Variants in ZNF625 observed in about 807,000 individuals in gnomAD.
ZNF625 encodes zinc finger protein 625.
ZNF625 carries 8 observed loss-of-function variants against 11.1 expected under a neutral mutation model. The observed-to-expected ratio is 0.72, with a 90% CI of 0.42 to 1.30. ZNF625 has a LOEUF of 1.30. Among genes scored for constraint, ZNF625 ranks in the 50% most tolerant of loss-of-function variants. The pLI is 0.01. For missense variants in ZNF625, 349 were observed against 447.6 expected (o/e 0.78, Z 1.99); for synonymous variants, 145 against 153.4 (o/e 0.95, Z 0.41).
At chr19:12,150,927 T>G (rs567065013) in intron 1 of ZNF625, among the ~76,000 whole-genome samples, 63 of 152,294 alleles carry the variant, frequency 4.1e-4, no homozygotes, top group Admixed American at 3.0e-3. Context: ...GCTCGCCTCC[T>G]GCAGTGATGG....
In ZNF625 at chr19:12,147,725, A is replaced by G; in HGVS notation, c.81T>C (p.Asn27=). 3 of 1,614,120 alleles carry G rather than the reference A, an allele frequency of 1.9e-6. No individual in the cohort carries two copies. In the South Asian group the frequency reaches 3.3e-5, roughly 18 times the overall value. The change falls in exon 2 of 4, where the codon AAT becomes AAC. Residue 27 remains asparagine, a synonymous_variant. Transcript: ENST00000439556. ...EWALLDPSQK[N]LYRDVMQETF... ...TTTCCTGCATCACATCTCTGTAGAGATTCTTCTGGGAAGGATCCAGCAAAG... is the reference window on the plus strand; with the variant it reads ...TTTCCTGCATCACATCTCTGTAGAGGTTCTTCTGGGAAGGATCCAGCAAAG...
At chr19:12,154,544 A>G (rs996512305) in intron 1 of ZNF625, among the ~76,000 whole-genome samples, 13 of 152,162 alleles carry the variant, frequency 8.5e-5, no homozygotes, top group Admixed American at 8.5e-4. Flanking sequence ...ATTTCCCTAG[A>G]GTCTGTATTT....
intron 1 of ZNF625, among the ~76,000 whole-genome samples, chr19:12,153,805 C>CTTTT (rs912782968): frequency 8.8e-5 from 10 of 113,574 alleles, no homozygotes; most frequent in Non-Finnish European, 1.2e-4. Flanking sequence ...TTTTATATTT[C>CTTTT]TTTTTTTTTT....
At chr19:12,150,793 C>T (rs1976943780) in intron 1 of ZNF625, among the ~76,000 whole-genome samples, 1 of 152,198 alleles carries the variant, frequency 6.6e-6, no homozygotes, top group East Asian at 1.9e-4. Context: ...GTATCTCCCA[C>T]TCACATATCC....
In ZNF625 at chr19:12,156,672, G is replaced by A; in HGVS notation, c.-114C>T. On this transcript the variant is annotated 5_prime_UTR_variant, in exon 1 of 4. Transcript: ENST00000439556. Reference sequence around the variant, plus strand: ...GGCGGAGGCACCTGGTCCCTCTCGGGGCCGGAAAACCGAGATCCCGACCTC... The same window carrying A: ...GGCGGAGGCACCTGGTCCCTCTCGGAGCCGGAAAACCGAGATCCCGACCTC... 9.0e-6 allele frequency: 10 copies of A among 1,115,318 alleles called. No individual in the cohort carries two copies. The highest frequency in any genetic ancestry group is 1.1e-5 in the Non-Finnish European group (10 of 877,756). 69.1% of individuals were successfully genotyped at this position (1,115,318 alleles called of 1,614,324 possible). A position where few individuals can be genotyped will look rare whatever the true frequency, so the allele number is the denominator to read the frequency against.
At position 12,145,222 on chromosome 19, in the gene ZNF625, G is replaced by A. The variant is rs561352688; in HGVS notation, c.*75C>T. 180 of 1,446,972 alleles carry A rather than the reference G, an allele frequency of 1.2e-4. No homozygotes were observed. The highest frequency in any genetic ancestry group is 1.0e-3 in the African/African-American group (71 of 70,440). 89.6% of individuals were successfully genotyped at this position (1,446,972 alleles called of 1,614,324 possible). ...TGCAGAAGCTTCAGAATAATTTTGC[G>A]ATGGTTCCCATGATTTGAGGGAAAC... is the stretch of plus-strand genomic sequence containing the variant. On this transcript the variant is annotated 3_prime_UTR_variant, in exon 4 of 4. Coordinates refer to ENST00000439556, the MANE Select transcript of ZNF625 (RefSeq NM_145233.4).
intron 1 of ZNF625, among the ~76,000 whole-genome samples, chr19:12,152,426 C>T (rs1976968627): frequency 6.6e-6 from 1 of 152,126 alleles, no homozygotes; most frequent in East Asian, 1.9e-4. Context: ...AGCAATGCTG[C>T]TCTCACCTCT....
At chr19:12,147,600 AATCACTCAAC>A in intron 2 of ZNF625, 66 bp downstream of exon 2, 3 of 1,605,552 alleles carry the variant, frequency 1.9e-6, no homozygotes, top group Non-Finnish European at 2.6e-6. Context: ...CCACACTCCA[AATCACTCAAC>A]ACTACTGACA....
chr19:12,151,919 A>G (rs775133434), intron 1 of ZNF625, among the ~76,000 whole-genome samples: 3 of 152,144 alleles, frequency 2.0e-5, no homozygotes, highest in Non-Finnish European at 2.9e-5. Context: ...CTCTTGTCAT[A>G]TTATAGCCTC....
At chr19:12,153,901 G>A (rs1192507187) in intron 1 of ZNF625, among the ~76,000 whole-genome samples, 5 of 139,890 alleles carry the variant, frequency 3.6e-5, no homozygotes, top group Admixed American at 7.7e-5. Flanking sequence ...TCTCCCTCCC[G>A]GGTTCACGCC....
intron 1 of ZNF625, among the ~76,000 whole-genome samples, chr19:12,149,121 A>T (rs931707491): frequency 6.6e-6 from 1 of 151,804 alleles, no homozygotes; most frequent in African/African-American, 2.4e-5. Context: ...CTCTTCTAAA[A>T]ATACAAAAAT....
At chr19:12,154,144 G>A (rs1395744817) in intron 1 of ZNF625, among the ~76,000 whole-genome samples, 1 of 152,112 alleles carries the variant, frequency 6.6e-6, no homozygotes, top group African/African-American at 2.4e-5. Flanking sequence ...GAAAATGCCT[G>A]AACAGAGCCA....
chr19:12,145,752 T>G lies in ZNF625; in HGVS notation c.664A>C (p.Lys222Gln). Residue 222 changes from lysine to glutamine, a missense_variant, in exon 4 of 4, where the codon AAA becomes CAA. Transcript: ENST00000439556. ...TGACTAAAGGCTTTACCACACTGTT[T>G]ACATTCATATGGTTTCTCTCCAGTG... is the stretch of plus-strand genomic sequence containing the variant. ...THTGEKPYEC[K>Q]QCGKAFSHSG... The G allele has an allele frequency of 6.2e-7, 1 of 1,614,244 alleles. No homozygotes were observed. The highest frequency in any genetic ancestry group is 1.1e-5 in the South Asian group (1 of 91,090).
At chr19:12,150,056 AC>A (rs1976934090) in intron 1 of ZNF625, among the ~76,000 whole-genome samples, 1 of 152,182 alleles carries the variant, frequency 6.6e-6, no homozygotes, top group South Asian at 2.1e-4. Context: ...AGTATTTTAC[AC>A]AACAAAGTTT....
chr19:12,155,351 T>C (rs1397749772), intron 1 of ZNF625, among the ~76,000 whole-genome samples: 3 of 151,952 alleles, frequency 2.0e-5, no homozygotes, highest in Non-Finnish European at 4.4e-5. Flanking sequence ...GTGAAACATA[T>C]CTGTTTTTTG....
Position 12,145,706 on chromosome 19 carries a change from T to C in ZNF625, c.710A>G (p.His237Arg). 2 of 1,614,226 alleles carry C rather than the reference T, an allele frequency of 1.2e-6. No individual in the cohort carries two copies. Among genetic ancestry groups the C allele is most frequent in the South Asian group, 1.1e-5 (1 of 91,084 alleles). ...CTTCTCTCCAGTGTGAGTTCTTTCATGTATTCGAAGGCTACCAGAATGACT... is the reference window on the plus strand; with the variant it reads ...CTTCTCTCCAGTGTGAGTTCTTTCACGTATTCGAAGGCTACCAGAATGACT... Reference protein sequence around the residue: ...AFSHSGSLRIHERTHTGEKPY... With the variant: ...AFSHSGSLRIRERTHTGEKPY... Residue 237 changes from histidine to arginine, a missense_variant, in exon 4 of 4, where the codon CAT (histidine) becomes CGT (arginine). Physicochemically the swap from His to Arg is conservative, Grantham distance 29 (BLOSUM62 0). Transcript: ENST00000439556.
intron 1 of ZNF625, among the ~76,000 whole-genome samples, chr19:12,153,576 T>C (rs747781860): frequency 6.7e-6 from 1 of 149,892 alleles, no homozygotes; most frequent in Non-Finnish European, 1.5e-5. Flanking sequence ...TCCAGCTACT[T>C]GGGAGGCTGA....
Position 12,145,493 on chromosome 19 carries a change from C to A in ZNF625, c.923G>T (p.Cys308Phe). 3 of 1,614,122 alleles carry A rather than the reference C, an allele frequency of 1.9e-6. No individual in the cohort carries two copies. Among genetic ancestry groups the A allele is most frequent in the Non-Finnish European group, 1.7e-6 (2 of 1,180,002 alleles). The change falls in exon 4 of 4, where the codon TGT becomes TTT. Residue 308 changes from cysteine (C) to phenylalanine (F), a missense_variant. Physicochemically the swap from Cys to Phe is radical, Grantham distance 205 (BLOSUM62 -2). Transcript: ENST00000439556. ...TGEKPYECKQCGKAFRSASHL... is the reference protein window; with the variant it reads ...TGEKPYECKQFGKAFRSASHL... ...CGAGGCAGATCTGAAGGCTTTCCCA[C>A]ATTGCTTACATTCATAGGGCTTCTC...
intron 1 of ZNF625, among the ~76,000 whole-genome samples, chr19:12,148,212 A>T (rs1976904488): frequency 6.6e-6 from 1 of 152,088 alleles, no homozygotes; most frequent in South Asian, 2.1e-4. Flanking sequence ...ACTCCTGACC[A>T]CAAGTGATCC....
Sources: gnomAD v4.1 joint callset for allele counts (sites outside exome capture counted in the v4.1 genomes callset) on GRCh38, gnomAD v4.1.1 for gene constraint, MANE v1.5 for transcripts, NCBI Gene and HGNC (gene_info 2026-07-23, HGNC 2026-07-21) for gene names.